GRIK1: variants seen among roughly 807,000 people sequenced by gnomAD.
The protein encoded by GRIK1 is glutamate ionotropic receptor kainate type subunit 1.
GRIK1 carries 69 observed loss-of-function variants against 105.7 expected under a neutral mutation model. The observed-to-expected ratio is 0.65, with a 90% CI of 0.54 to 0.80. GRIK1 has a LOEUF of 0.80. Ranked by LOEUF, GRIK1 falls within the 30% of genes least tolerant of loss-of-function variation. The probability of loss-of-function intolerance (pLI) is 0.00; values close to 1 mark genes in which losing one functional copy is unlikely to be tolerated. For synonymous variants in GRIK1, 438 were observed against 431.3 expected (o/e 1.02, Z -0.19); for missense variants, 1,109 against 1,167.3 (o/e 0.95, Z 0.73).
chr21:29,561,096 A>C (rs1047166599), intron 15 of GRIK1, among the ~76,000 whole-genome samples: 2 of 152,216 alleles, frequency 1.3e-5, no homozygotes, highest in Non-Finnish European at 2.9e-5. Context: ...AAGATTTTAC[A>C]TAGTTGGCAT....
At chr21:29,645,731 T>G (rs1249473300) in intron 6 of GRIK1, among the ~76,000 whole-genome samples, 1 of 152,192 alleles carries the variant, frequency 6.6e-6, no homozygotes, top group Non-Finnish European at 1.5e-5. Context: ...TGTCATCATT[T>G]TAGGTAATAG....
intron 4 of GRIK1, among the ~76,000 whole-genome samples, chr21:29,658,280 T>C (rs929752501): frequency 1.3e-5 from 2 of 152,182 alleles, no homozygotes. Flanking sequence ...TTATTTATTT[T>C]TGAAAGAGTC....
At chr21:29,687,271 T>C (rs549107095) in intron 3 of GRIK1, among the ~76,000 whole-genome samples, 1 of 152,176 alleles carries the variant, frequency 6.6e-6, no homozygotes, top group Admixed American at 6.5e-5. Context: ...CTTTAATGGG[T>C]ACTTAATTCT....
intron 1 of GRIK1, among the ~76,000 whole-genome samples, chr21:29,809,461 A>G (rs1480282347): frequency 2.6e-5 from 4 of 152,182 alleles, no homozygotes; most frequent in Non-Finnish European, 4.4e-5. Context: ...GCAAGTTGTA[A>G]TCTTTTTGCT....
intron 1 of GRIK1, among the ~76,000 whole-genome samples, chr21:29,877,608 T>C (rs1358545554): frequency 6.6e-6 from 1 of 152,214 alleles, no homozygotes; most frequent in Non-Finnish European, 1.5e-5. Context: ...CAATGAATCA[T>C]ACTGGAAACA....
At chr21:29,756,710 A>G (rs1412441229) in intron 1 of GRIK1, among the ~76,000 whole-genome samples, 1 of 152,156 alleles carries the variant, frequency 6.6e-6, no homozygotes, top group Non-Finnish European at 1.5e-5. Context: ...CAAAAAAACA[A>G]AAAAAACTAG....
chr21:29,815,783 A>G (rs2067139995), intron 1 of GRIK1, among the ~76,000 whole-genome samples: 1 of 152,132 alleles, frequency 6.6e-6, no homozygotes, highest in South Asian at 2.1e-4. Flanking sequence ...AAATTACACC[A>G]TATGCAAAAA....
intron 1 of GRIK1, among the ~76,000 whole-genome samples, chr21:29,772,022 A>G (rs1470998862): frequency 6.6e-6 from 1 of 152,066 alleles, no homozygotes; most frequent in Admixed American, 6.5e-5. Flanking sequence ...TGGAGTTATG[A>G]TACCAATCTC....
intron 7 of GRIK1, among the ~76,000 whole-genome samples, chr21:29,607,203 AG>A: frequency 6.6e-6 from 1 of 152,258 alleles, no homozygotes; most frequent in African/African-American, 2.4e-5. Context: ...AACTCTTTGC[AG>A]GGTGAGAGAT....
intron 3 of GRIK1, among the ~76,000 whole-genome samples, chr21:29,683,871 ATAGT>A (rs1472623069): frequency 2.0e-5 from 3 of 152,214 alleles, no homozygotes; most frequent in Admixed American, 6.5e-5. Context: ...CTACCAGGAA[ATAGT>A]TATTTTGTCA....
intron 8 of GRIK1, among the ~76,000 whole-genome samples, chr21:29,598,015 AT>A (rs2061449627): frequency 6.6e-6 from 1 of 152,192 alleles, no homozygotes; most frequent in African/African-American, 2.4e-5. Flanking sequence ...GGGAAAAAAA[AT>A]GTCAGATTAT....
chr21:29,808,155 A>T (rs2145879897), intron 1 of GRIK1, among the ~76,000 whole-genome samples: 1 of 152,092 alleles, frequency 6.6e-6, no homozygotes, highest in Middle Eastern at 3.4e-3. Flanking sequence ...TAAGGGAGGG[A>T]AGTTTTGTTT....
intron 1 of GRIK1, among the ~76,000 whole-genome samples, chr21:29,707,446 C>CCTCCCTTCCTTCCTTCCTTCCTT (rs2063937804): frequency 5.4e-5 from 1 of 18,644 alleles, no homozygotes; most frequent in African/African-American, 2.2e-4. Flanking sequence ...CTCCCTCCCT[C>CCTCCCTTCCTTCCTTCCTTCCTT]CCTCCCTCCC....
intron 14 of GRIK1, among the ~76,000 whole-genome samples, chr21:29,576,662 GA>G (rs1246496026): frequency 6.6e-6 from 1 of 151,096 alleles, no homozygotes. Flanking sequence ...ATTGTATTCA[GA>G]TTTTTTTTTT....
At position 29,598,908 on chromosome 21, in the gene GRIK1, G is replaced by C; in HGVS notation, c.1128C>G (p.Ile376Met). The C allele has an allele frequency of 6.3e-7, 1 of 1,589,596 alleles. No homozygotes were observed. Among genetic ancestry groups the C allele is most frequent in the Non-Finnish European group, 8.6e-7 (1 of 1,162,112 alleles). ...TCAAGCCATTGGTTTTATTAAAGGT[G>C]ATATGCCCAGTCAAGCCATCCCACC... ...EARWDGLTGHITFNKTNGLRK... is the reference protein window; with the variant it reads ...EARWDGLTGHMTFNKTNGLRK... The change falls in exon 8 of 18, where the codon ATC (isoleucine) becomes ATG (methionine). Residue 376 changes from isoleucine to methionine, a missense_variant. Around this residue, in one of 5 missense-constraint regions of GRIK1, gnomAD observed 612 missense variants for 586.0 expected, o/e 1.04. Coordinates refer to ENST00000327783, the MANE Select transcript of GRIK1 (RefSeq NM_001330994.2).
intron 14 of GRIK1, among the ~76,000 whole-genome samples, chr21:29,575,711 C>T (rs961746690): frequency 6.6e-6 from 1 of 151,822 alleles, no homozygotes; most frequent in South Asian, 2.1e-4. Context: ...AGGCACCTGT[C>T]GTCCCAGCTA....
chr21:29,775,233 G>A (rs551062422), intron 1 of GRIK1, among the ~76,000 whole-genome samples: 19 of 138,150 alleles, frequency 1.4e-4, no homozygotes, highest in East Asian at 4.3e-4. Flanking sequence ...CAGAGATTGC[G>A]CCACTGCACT....
intron 7 of GRIK1, among the ~76,000 whole-genome samples, chr21:29,620,787 A>ATC (rs1199689708): frequency 4.4e-5 from 5 of 113,796 alleles, no homozygotes; most frequent in African/African-American, 1.9e-4. Context: ...ATATAGATAT[A>ATC]TATATCTATA....
intron 1 of GRIK1, among the ~76,000 whole-genome samples, chr21:29,837,746 T>C (rs966530924): frequency 6.6e-6 from 1 of 151,300 alleles, no homozygotes; most frequent in African/African-American, 2.5e-5. Flanking sequence ...GATCATAAGA[T>C]TTAGAATATA....
Sources: allele counts gnomAD v4.1 joint callset (sites outside exome capture counted in the v4.1 genomes callset), GRCh38; gene constraint gnomAD v4.1.1; regional missense constraint gnomAD v4.1.1; transcripts MANE v1.5; gene names NCBI Gene and HGNC (gene_info 2026-07-23, HGNC 2026-07-21).